ARHGAP15: variants seen among roughly 807,000 people sequenced by gnomAD.
ARHGAP15 encodes the protein Rho GTPase activating protein 15, also known as rho GTPase-activating protein 15.
In ARHGAP15, 51 loss-of-function variants were observed where a neutral mutation model predicts 63.7. That is an observed-to-expected ratio of 0.80 (90% CI 0.64 to 1.01). ARHGAP15 has a LOEUF of 1.01. Among genes scored for constraint, ARHGAP15 ranks in the 50% least tolerant of loss-of-function variants. ARHGAP15 has a pLI of 0.00. For synonymous variants in ARHGAP15, 191 were observed against 193.8 expected, an observed-to-expected ratio of 0.99 and a Z score of 0.12; for missense variants, 560 against 564.6, an observed-to-expected ratio of 0.99 and a Z score of 0.08.
intron 6 of ARHGAP15, among the ~76,000 whole-genome samples, chr2:143,365,721 C>T (rs568200414): frequency 1.4e-4 from 21 of 152,134 alleles, no homozygotes; most frequent in Admixed American, 2.6e-4. Flanking sequence ...TTTTTAACAT[C>T]GCTAATTCTA....
chr2:143,343,914 G>C (rs151306926), intron 6 of ARHGAP15: 20 of 152,092 alleles, frequency 1.3e-4, no homozygotes, highest in African/African-American at 3.9e-4. Context: ...AACAATTTTT[G>C]ACTTTTGCTG....
chr2:143,153,931 C>G (rs2105007216), intron 1 of ARHGAP15, among the ~76,000 whole-genome samples: 2 of 138,582 alleles, frequency 1.4e-5, no homozygotes, highest in South Asian at 4.9e-4. Context: ...CGGTTTCTTT[C>G]ACTCAGCGGA....
Position 143,238,813 on chromosome 2 carries a change from A to C in ARHGAP15, c.384+10145A>C, listed in dbSNP as rs146364908. On this transcript the variant is annotated intron_variant, in intron 5 of 13. Transcript: ENST00000295095. ...CAACCTAAATGCCTGTCAATGATAG[A>C]CTGGATAAAGAAAATGTGGTACATA... Among the ~76,000 whole-genome samples the C allele has an allele frequency of 3.8e-3, 583 of 152,346 alleles. 4 individuals carry two copies. The highest frequency in any genetic ancestry group is 0.013 in the African/African-American group (538 of 41,588).
At chr2:143,225,931 T>C (rs1374162397) in intron 4 of ARHGAP15, among the ~76,000 whole-genome samples, 1 of 152,224 alleles carries the variant, frequency 6.6e-6, no homozygotes, top group Non-Finnish European at 1.5e-5. Flanking sequence ...AGCAGCATTA[T>C]TATTCTTCGT....
chr2:143,357,397 C>T (rs1341693786), intron 6 of ARHGAP15, among the ~76,000 whole-genome samples: 2 of 151,456 alleles, frequency 1.3e-5, no homozygotes, highest in African/African-American at 2.4e-5. Context: ...AATACAAAAA[C>T]ACATAATAGC....
chr2:143,218,204 T>G (rs1692835044), intron 4 of ARHGAP15, among the ~76,000 whole-genome samples: 1 of 152,176 alleles, frequency 6.6e-6, no homozygotes, highest in African/African-American at 2.4e-5. Flanking sequence ...GTACTCTGTT[T>G]TATTATTTCA....
At chr2:143,235,419 C>T (rs908890036) in intron 5 of ARHGAP15, among the ~76,000 whole-genome samples, 2 of 151,852 alleles carry the variant, frequency 1.3e-5, no homozygotes, top group Admixed American at 6.6e-5. Flanking sequence ...AGAGCCTGTG[C>T]ACAACAAGGA....
intron 13 of ARHGAP15, among the ~76,000 whole-genome samples, chr2:143,723,362 G>A (rs1380476475): frequency 6.6e-6 from 1 of 152,200 alleles, no homozygotes; most frequent in African/African-American, 2.4e-5. Context: ...GGGGCTGAAG[G>A]AGGATGCTGG....
Position 143,216,407 on chromosome 2 carries a change from G to T in ARHGAP15, c.258G>T (p.Leu86=), listed in dbSNP as rs373947378. The change falls in exon 4 of 14, where the codon CTG becomes CTT. Residue 86 remains leucine (L), a synonymous_variant. Coordinates refer to ENST00000295095, the MANE Select transcript of ARHGAP15 (RefSeq NM_018460.4). The stretch of plus-strand genomic sequence containing the variant: ...AGATGGTTGAAAAAGAAGGTTATCT[G>T]CAAAAAGCTAAAATTGCAGATGGAG... ...EQLMVEKEGY[L]QKAKIADGGK... 1.9e-6 allele frequency: 3 copies of T among 1,610,540 alleles called. No homozygotes were observed. The highest frequency in any genetic ancestry group is 3.4e-5 in the Admixed American group (2 of 59,288).
At chr2:143,307,518 G>C (rs961489212) in intron 6 of ARHGAP15, among the ~76,000 whole-genome samples, 2 of 152,012 alleles carry the variant, frequency 1.3e-5, no homozygotes, top group South Asian at 2.1e-4. Context: ...ATGCAACTGA[G>C]GTATCATCAG....
chr2:143,489,544 T>G (rs35211716), intron 9 of ARHGAP15, among the ~76,000 whole-genome samples: 38,805 of 151,350 alleles, frequency 0.26, 5,677 homozygotes, highest in East Asian at 0.69. Flanking sequence ...AGTTTTTGGG[T>G]TTTTTTTTCC....
At chr2:143,677,392 T>G (rs991482321) in intron 12 of ARHGAP15, among the ~76,000 whole-genome samples, 3 of 152,148 alleles carry the variant, frequency 2.0e-5, no homozygotes, top group African/African-American at 7.2e-5. Flanking sequence ...CACCCCTACT[T>G]GCATACGGCT....
chr2:143,365,053 G>T (rs761397009), intron 6 of ARHGAP15, among the ~76,000 whole-genome samples: 4 of 152,034 alleles, frequency 2.6e-5, no homozygotes, highest in Non-Finnish European at 5.9e-5. Context: ...ATTCTAACAA[G>T]ACACAGGAAA....
At chr2:143,395,740 G>A (rs555333780) in intron 6 of ARHGAP15, among the ~76,000 whole-genome samples, 1 of 152,150 alleles carries the variant, frequency 6.6e-6, no homozygotes, top group East Asian at 1.9e-4. Flanking sequence ...GAGAAAGCAT[G>A]GCATATTTGA....
intron 6 of ARHGAP15, among the ~76,000 whole-genome samples, chr2:143,391,244 G>C: frequency 6.6e-6 from 1 of 152,156 alleles, no homozygotes; most frequent in Admixed American, 6.6e-5. Context: ...AAATGTAGTT[G>C]ATAATCACCT....
intron 11 of ARHGAP15, among the ~76,000 whole-genome samples, chr2:143,617,464 G>A (rs896205673): frequency 1.3e-5 from 2 of 152,186 alleles, no homozygotes; most frequent in Non-Finnish European, 2.9e-5. Flanking sequence ...CCTCCTTGGT[G>A]TATAGGCAGT....
intron 6 of ARHGAP15, among the ~76,000 whole-genome samples, chr2:143,292,785 T>C (rs1042532079): frequency 1.3e-5 from 2 of 152,022 alleles, no homozygotes; most frequent in Non-Finnish European, 2.9e-5. Context: ...TACTTGAAAA[T>C]AATTCTTATA....
chr2:143,292,203 CAGTT>C (rs1021218339), intron 6 of ARHGAP15, among the ~76,000 whole-genome samples: 32 of 152,036 alleles, frequency 2.1e-4, no homozygotes, highest in Admixed American at 1.5e-3. Context: ...TTTGGGGTGA[CAGTT>C]AGCTTCCAGC....
intron 6 of ARHGAP15, among the ~76,000 whole-genome samples, chr2:143,381,441 C>G (rs901915687): frequency 6.9e-6 from 1 of 144,826 alleles, no homozygotes; most frequent in Non-Finnish European, 1.5e-5. Flanking sequence ...TTGAAAGGTA[C>G]TTGTGTGGCA....
Sources: gnomAD v4.1 joint callset for allele counts (sites outside exome capture counted in the v4.1 genomes callset) on GRCh38, gnomAD v4.1.1 for gene constraint, MANE v1.5 for transcripts, NCBI Gene and HGNC (gene_info 2026-07-23, HGNC 2026-07-21) for gene names.